The following WNT3A variants were observed in gnomAD, a reference collection of about 807,000 sequenced individuals.
WNT3A encodes protein Wnt-3a.
A neutral mutation model predicts 37.0 loss-of-function variants in WNT3A; 17 were observed. The observed-to-expected ratio is 0.46, with a 90% CI of 0.31 to 0.69. The LOEUF (loss-of-function observed/expected upper bound fraction) is 0.69. Ranked by LOEUF, WNT3A falls within the 30% of genes least tolerant of loss-of-function variation. The pLI, the probability that WNT3A is intolerant of heterozygous loss-of-function variation, is 0.05. For missense variants in WNT3A, 411 were observed against 510.2 expected, an observed-to-expected ratio of 0.81 and a Z score of 1.87; for synonymous variants, 187 against 211.0, an observed-to-expected ratio of 0.89 and a Z score of 0.99.
chr1:228,050,923 T>A lies in WNT3A; in HGVS notation c.579+2T>A. ...CACAACAACGAGGCTGGGCGCCAGG[T>A]AGGTTCGCCGCCCGCAAGGGTGCTT... On this transcript the variant is annotated splice_donor_variant, in intron 3 of 3. Transcript: ENST00000284523. LOFTEE classifies it high-confidence loss of function. This position sits in a 1 kb window ranked among gnomAD's most constrained non-coding sequence, Gnocchi z 5.0. 6.5e-7 allele frequency: 1 copy of A among 1,530,714 alleles called. No individual in the cohort carries two copies. The highest frequency in any genetic ancestry group is 8.8e-7 in the Non-Finnish European group (1 of 1,138,512). The allele number at this position is 1,530,714 out of a possible 1,614,324, so 94.8% of individuals were successfully genotyped here.
intron 3 of WNT3A, among the ~76,000 whole-genome samples, chr1:228,054,254 A>C (rs925251300): frequency 5.9e-5 from 9 of 152,238 alleles, no homozygotes; most frequent in Non-Finnish European, 8.8e-5. Context: ...ACCTGGAAAA[A>C]GCAGACAAAA....
chr1:228,022,924 G>C lies in WNT3A; in HGVS notation c.313+16G>C, dbSNP rs1212962831. 6.9e-6 allele frequency: 11 copies of C among 1,589,898 alleles called. No homozygotes were observed. Among genetic ancestry groups the C allele is most frequent in the Admixed American group, 3.4e-5 (2 of 59,302 alleles). ...CTGGACAAAGGTATGGGGGTGGTCT[G>C]GGGGAGGGCAGATGAGTCTGGAGTG... On this transcript the variant is annotated intron_variant, in intron 2 of 3. Coordinates refer to ENST00000284523, the MANE Select transcript of WNT3A (RefSeq NM_033131.4).
chr1:228,046,265 T>C (rs1451058711), intron 2 of WNT3A, among the ~76,000 whole-genome samples: 1 of 152,138 alleles, frequency 6.6e-6, no homozygotes, highest in Non-Finnish European at 1.5e-5. Context: ...GAGGTGTGCA[T>C]GTGTGTGCAT....
intron 2 of WNT3A, among the ~76,000 whole-genome samples, chr1:228,029,551 G>T (rs945215574): frequency 4.6e-5 from 7 of 152,106 alleles, no homozygotes; most frequent in Non-Finnish European, 8.8e-5. Flanking sequence ...CAGTCCTGGG[G>T]GTCCTGTTGG....
chr1:228,053,404 C>A (rs1353279227), intron 3 of WNT3A, among the ~76,000 whole-genome samples: 1 of 152,074 alleles, frequency 6.6e-6, no homozygotes, highest in Non-Finnish European at 1.5e-5. Flanking sequence ...ATCTTTGTGA[C>A]CTTAGAGTAG....
intron 1 of WNT3A, among the ~76,000 whole-genome samples, chr1:228,013,373 T>G (rs931529060): frequency 3.3e-5 from 5 of 152,212 alleles, no homozygotes; most frequent in African/African-American, 1.2e-4. Flanking sequence ...CCTCCCCAGG[T>G]GACACCCTGG....
chr1:228,051,492 T>C (rs1040302544), intron 3 of WNT3A, among the ~76,000 whole-genome samples: 2 of 152,116 alleles, frequency 1.3e-5, no homozygotes, highest in Non-Finnish European at 2.9e-5. Context: ...CAAAATACCT[T>C]AGACTGGATA....
chr1:228,041,885 C>G (rs747656218), intron 2 of WNT3A, among the ~76,000 whole-genome samples: 7 of 152,190 alleles, frequency 4.6e-5, no homozygotes, highest in African/African-American at 9.6e-5. Context: ...GTCATCCAAC[C>G]TCTGTTTTAT....
chr1:228,048,915 A>G, intron 2 of WNT3A, among the ~76,000 whole-genome samples: 1 of 152,160 alleles, frequency 6.6e-6, no homozygotes, highest in East Asian at 1.9e-4. Context: ...CCTAGCCTCC[A>G]GAGCTTTCTC....
intron 1 of WNT3A, among the ~76,000 whole-genome samples, chr1:228,018,808 T>C (rs1298516285): frequency 6.6e-6 from 1 of 152,130 alleles, no homozygotes; most frequent in African/African-American, 2.4e-5. Context: ...CCACAGGAGC[T>C]CCCCGCTGCC....
rs972750906 is a variant in WNT3A, at chr1:228,031,863, G to A, written c.313+8955G>A. Among the ~76,000 whole-genome samples, 1 of 152,164 alleles carries A rather than the reference G, an allele frequency of 6.6e-6. No individual in the cohort carries two copies. On this transcript the variant is annotated intron_variant, in intron 2 of 3. Coordinates refer to ENST00000284523, the MANE Select transcript of WNT3A (RefSeq NM_033131.4). The surrounding 1 kb of genome is among the most constrained non-coding windows in gnomAD (Gnocchi z 4.8). ...AGCACCAGACTGGGCCCTGTGCCAT[G>A]TGCTTGCTGGCTCCAGAGCCAGGAT... is the stretch of plus-strand genomic sequence containing the variant.
At chr1:228,041,897 A>T (rs1036811763) in intron 2 of WNT3A, among the ~76,000 whole-genome samples, 4 of 152,184 alleles carry the variant, frequency 2.6e-5, no homozygotes, top group African/African-American at 9.7e-5. Context: ...CTGTTTTATT[A>T]TCACCAGGAC....
chr1:228,047,661 T>A (rs567502207), intron 2 of WNT3A, among the ~76,000 whole-genome samples: 5 of 152,262 alleles, frequency 3.3e-5, no homozygotes, highest in African/African-American at 1.2e-4. Context: ...AAAAGATGTT[T>A]AATTGGCTCA....
intron 3 of WNT3A, 146 bp from the exon 4 acceptor site, chr1:228,058,835 GGGGGT>G (rs1232511991): frequency 5.3e-5 from 40 of 759,220 alleles, no homozygotes; most frequent in Non-Finnish European, 8.3e-5. Flanking sequence ...ACCATAGGAA[GGGGGT>G]GGCCCTGGGG....
chr1:228,038,511 A>G lies in WNT3A; in HGVS notation c.314-12145A>G, dbSNP rs1006463857. On this transcript the variant is annotated intron_variant, in intron 2 of 3. Coordinates refer to ENST00000284523, the MANE Select transcript of WNT3A (RefSeq NM_033131.4). This position sits in a 1 kb window ranked among gnomAD's most constrained non-coding sequence, Gnocchi z 5.7. ...GACATTTGGGGCCACAGTGACCTGC[A>G]GGCCCCTGGCCAGTCTGGTCAGGTG... Among the ~76,000 whole-genome samples the G allele has an allele frequency of 1.3e-5, 2 of 152,228 alleles. No homozygotes were observed. Among genetic ancestry groups the G allele is most frequent in the African/African-American group, 4.8e-5 (2 of 41,456 alleles).
intron 1 of WNT3A, among the ~76,000 whole-genome samples, chr1:228,021,617 C>T (rs1368010100): frequency 6.6e-6 from 1 of 152,230 alleles, no homozygotes; most frequent in African/African-American, 2.4e-5. Flanking sequence ...CAAGTTCCTG[C>T]TCTCAGGCTC....
At chr1:228,043,832 G>A (rs2031342613) in intron 2 of WNT3A, among the ~76,000 whole-genome samples, 1 of 152,200 alleles carries the variant, frequency 6.6e-6, no homozygotes, top group Non-Finnish European at 1.5e-5. Flanking sequence ...TGGGAGGGTA[G>A]TGAACCTGCT....
chr1:228,029,614 G>A (rs751068208), intron 2 of WNT3A, among the ~76,000 whole-genome samples: 56 of 152,246 alleles, frequency 3.7e-4, no homozygotes, highest in South Asian at 4.1e-4. Context: ...CTGCTTCCCC[G>A]CTGTCTCCCT....
In WNT3A at chr1:228,055,188, A is replaced by G. The variant is rs1476189465; in HGVS notation, c.580-3798A>G. On this transcript the variant is annotated intron_variant, in intron 3 of 3. Coordinates refer to ENST00000284523, the MANE Select transcript of WNT3A (RefSeq NM_033131.4). ...AAAAAAAAAAAAAAAAAATATATAT[A>G]TATATATATATATATATATATATAT... is the stretch of plus-strand genomic sequence containing the variant. Among the ~76,000 whole-genome samples the G allele has an allele frequency of 7.7e-4, 33 of 42,828 alleles. 1 individual carries two copies. Among genetic ancestry groups the G allele is most frequent in the African/African-American group, 2.1e-3 (27 of 12,748 alleles). 28.1% of individuals were successfully genotyped at this position (42,828 alleles called of 152,430 possible).
Sources: gnomAD v4.1 joint callset for allele counts (sites outside exome capture counted in the v4.1 genomes callset) on GRCh38, gnomAD v4.1.1 for gene constraint, Gnocchi (gnomAD v3.1) non-coding constraint, MANE v1.5 for transcripts, NCBI Gene and HGNC (gene_info 2026-07-23, HGNC 2026-07-21) for gene names.